RIT2: variants seen among roughly 807,000 people sequenced by gnomAD.
RIT2 encodes the protein Ras like without CAAX 2, also known as GTP-binding protein Rit2.
A neutral mutation model predicts 23.7 loss-of-function variants in RIT2; 24 were observed. That is an observed-to-expected ratio of 1.01 (90% CI 0.73 to 1.43). The LOEUF is 1.43. Among genes scored for constraint, RIT2 ranks in the 40% most tolerant of loss-of-function variants. The pLI is 0.00. For synonymous variants in RIT2, 107 were observed against 91.1 expected (o/e 1.17, Z -0.99); for missense variants, 236 against 266.9 (o/e 0.88, Z 0.81).
At chr18:42,967,926 A>G (rs1910274476) in intron 3 of RIT2, among the ~76,000 whole-genome samples, 2 of 152,094 alleles carry the variant, frequency 1.3e-5, no homozygotes, top group South Asian at 4.1e-4. Flanking sequence ...TTATTCTACT[A>G]TTAAAATATT....
chr18:42,886,302 G>T lies in RIT2; in HGVS notation c.426+37270C>A, dbSNP rs76806424. Among the ~76,000 whole-genome samples, 3 of 152,040 alleles carry T rather than the reference G, an allele frequency of 2.0e-5. No homozygotes were observed. The South Asian group carries it at 6.2e-4, about 31-fold the overall frequency. ...ACAGAACTCCGAAATTCTATTGCGC[G>T]CAGAATAACAATATAAATGAGCATA... On this transcript the variant is annotated intron_variant, in intron 4 of 4. Transcript: ENST00000326695.
At chr18:42,932,871 A>G (rs1909360934) in intron 3 of RIT2, among the ~76,000 whole-genome samples, 1 of 151,830 alleles carries the variant, frequency 6.6e-6, no homozygotes, top group Admixed American at 6.6e-5. Flanking sequence ...ATTAACCCAT[A>G]TCTAACAAAC....
chr18:42,847,555 C>G (rs1906944116), intron 4 of RIT2, among the ~76,000 whole-genome samples: 1 of 151,870 alleles, frequency 6.6e-6, no homozygotes, highest in African/African-American at 2.4e-5. Flanking sequence ...CTTCATGCAC[C>G]CCAAGATGGT....
chr18:43,064,647 A>G (rs1487435018), intron 1 of RIT2, among the ~76,000 whole-genome samples: 1 of 152,152 alleles, frequency 6.6e-6, no homozygotes, highest in Admixed American at 6.5e-5. Flanking sequence ...TACCCTTAAC[A>G]ATGAAGTTCT....
At chr18:42,772,491 TG>T (rs1363499847) in intron 4 of RIT2, among the ~76,000 whole-genome samples, 6 of 151,906 alleles carry the variant, frequency 3.9e-5, no homozygotes, top group Admixed American at 6.6e-5. Context: ...TAGGCCTTCT[TG>T]AAGTATAGGA....
intron 2 of RIT2, among the ~76,000 whole-genome samples, chr18:42,976,172 T>C (rs777273314): frequency 9.9e-5 from 15 of 152,032 alleles, no homozygotes; most frequent in Non-Finnish European, 1.8e-4. Context: ...TTCCCACTTA[T>C]ACTTGAAAGA....
chr18:43,027,754 T>C (rs1357554902), intron 2 of RIT2, among the ~76,000 whole-genome samples: 2 of 152,036 alleles, frequency 1.3e-5, no homozygotes, highest in Non-Finnish European at 2.9e-5. Flanking sequence ...GCATAATACA[T>C]TTAAAGTGAG....
intron 4 of RIT2, among the ~76,000 whole-genome samples, chr18:42,868,527 A>AT (rs766488880): frequency 2.6e-5 from 4 of 152,234 alleles, no homozygotes; most frequent in Non-Finnish European, 4.4e-5. Flanking sequence ...TTCACACATT[A>AT]TTTCATTACA....
intron 1 of RIT2, among the ~76,000 whole-genome samples, chr18:43,085,261 TA>T (rs1277344418): frequency 6.6e-6 from 1 of 152,156 alleles, no homozygotes; most frequent in Non-Finnish European, 1.5e-5. Flanking sequence ...TACAATGTGA[TA>T]TTTTTATCTA....
At position 42,996,121 on chromosome 18, in the gene RIT2, G is replaced by A. The variant is rs1910977588; in HGVS notation, c.161-21974C>T. On this transcript the variant is annotated intron_variant, in intron 2 of 4. Transcript: ENST00000326695. The stretch of plus-strand genomic sequence containing the variant: ...TTTTCTCCTTCTCTTATTCCGTTTA[G>A]TTTTTCAATTCATACAAAACCGTAT... Among the ~76,000 whole-genome samples, 3 of 152,040 alleles carry A rather than the reference G, an allele frequency of 2.0e-5. No homozygotes were observed. In the South Asian group the frequency reaches 6.2e-4, roughly 32 times the overall value.
At chr18:43,027,059 A>G (rs1406897405) in intron 2 of RIT2, among the ~76,000 whole-genome samples, 5 of 152,156 alleles carry the variant, frequency 3.3e-5, no homozygotes, top group Non-Finnish European at 7.3e-5. Context: ...ATGAAATCCA[A>G]GAGTGGTAGA....
At chr18:43,076,364 CAGTA>C (rs1204725888) in intron 1 of RIT2, among the ~76,000 whole-genome samples, 1 of 151,528 alleles carries the variant, frequency 6.6e-6, no homozygotes, top group Non-Finnish European at 1.5e-5. Flanking sequence ...TTTTTCCTCT[CAGTA>C]AGTATTTATT....
chr18:42,970,135 A>G (rs1910327282), intron 3 of RIT2, among the ~76,000 whole-genome samples: 2 of 152,038 alleles, frequency 1.3e-5, no homozygotes, highest in Non-Finnish European at 2.9e-5. Flanking sequence ...GATAAATCAC[A>G]TTACCTCTAT....
chr18:42,945,495 C>A lies in RIT2; in HGVS notation c.235-21732G>T, dbSNP rs1215352512. ...GTTAGAATATCACAGGCTGAACATG[C>A]GTCCAAGAATGTGTGCGAATTTGGT... On this transcript the variant is annotated intron_variant, in intron 3 of 4. Transcript: ENST00000326695. Among the ~76,000 whole-genome samples the A allele has an allele frequency of 3.3e-5, 5 of 152,232 alleles. No homozygotes were observed. In the South Asian group the frequency reaches 6.2e-4, roughly 19 times the overall value.
intron 2 of RIT2, among the ~76,000 whole-genome samples, chr18:43,015,832 T>A (rs1445520383): frequency 6.6e-6 from 1 of 151,664 alleles, no homozygotes; most frequent in East Asian, 1.9e-4. Context: ...CTCTTAGAAG[T>A]AGAGTAAAAC....
Position 43,091,115 on chromosome 18 carries a change from A to T in RIT2, c.103+24302T>A. On this transcript the variant is annotated intron_variant, in intron 1 of 4. Transcript: ENST00000326695. ...TTCAAATTTGTCCTCCTGAATTTTA[A>T]AGTAAATAAACAGAATGTGTTTTCA... 2.0e-5 allele frequency among the ~76,000 whole-genome samples: 3 copies of T among 152,076 alleles called. No individual in the cohort carries two copies. In the Middle Eastern group the frequency reaches 0.01, roughly 521 times the overall value.
intron 2 of RIT2, among the ~76,000 whole-genome samples, chr18:42,977,199 A>T (rs540146851): frequency 3.9e-5 from 6 of 152,180 alleles, no homozygotes; most frequent in Non-Finnish European, 1.5e-5. Context: ...TTATGGTCTT[A>T]TTCATGCCAA....
chr18:43,076,502 G>A (rs1913021401), intron 1 of RIT2, among the ~76,000 whole-genome samples: 2 of 152,074 alleles, frequency 1.3e-5, no homozygotes, highest in African/African-American at 4.8e-5. Context: ...GTTGTGTTGT[G>A]AGGAAAGAGG....
intron 1 of RIT2, among the ~76,000 whole-genome samples, chr18:43,073,894 T>C (rs1218050622): frequency 6.6e-6 from 1 of 152,102 alleles, no homozygotes; most frequent in African/African-American, 2.4e-5. Context: ...GCAGTTTAAA[T>C]GGGTGTGAAA....
Sources: gnomAD v4.1 joint callset for allele counts (sites outside exome capture counted in the v4.1 genomes callset) on GRCh38, gnomAD v4.1.1 for gene constraint, MANE v1.5 for transcripts, NCBI Gene and HGNC (gene_info 2026-07-23, HGNC 2026-07-21) for gene names.